The following MOBP variants were observed in gnomAD, a reference collection of about 807,000 sequenced individuals.
MOBP encodes myelin associated oligodendrocyte basic protein, also known as myelin-associated oligodendrocyte basic protein.
MOBP carries 5 observed loss-of-function variants against 15.0 expected under a neutral mutation model. The ratio of observed to expected loss-of-function variants is 0.33; its 90% CI spans 0.17 to 0.70. The LOEUF is 0.70. Ranked by LOEUF, MOBP falls within the 30% of genes least tolerant of loss-of-function variation. MOBP has a pLI of 0.67. For synonymous variants in MOBP, 88 were observed against 99.0 expected (o/e 0.89, Z 0.66); for missense variants, 188 against 257.8 (o/e 0.73, Z 1.85).
intron 2 of MOBP, among the ~76,000 whole-genome samples, chr3:39,483,543 G>A (rs933807984): frequency 6.6e-6 from 1 of 152,190 alleles, no homozygotes; most frequent in African/African-American, 2.4e-5. Context: ...TAGCCCATCA[G>A]ATAATCTGAG....
intron 2 of MOBP, among the ~76,000 whole-genome samples, chr3:39,495,675 C>A (rs909849862): frequency 6.7e-6 from 1 of 150,166 alleles, no homozygotes. Flanking sequence ...ATTGCTTGAG[C>A]CCAGGTGGTT....
chr3:39,491,497 C>G (rs1275403603), intron 2 of MOBP, among the ~76,000 whole-genome samples: 1 of 152,030 alleles, frequency 6.6e-6, no homozygotes, highest in Non-Finnish European at 1.5e-5. Context: ...ACTTATGCTT[C>G]TCAATGGGTA....
intron 2 of MOBP, among the ~76,000 whole-genome samples, chr3:39,495,397 G>A (rs2042863631): frequency 6.6e-6 from 1 of 151,810 alleles, no homozygotes; most frequent in Non-Finnish European, 1.5e-5. Context: ...TTGCACAATG[G>A]AAAAGGTTAT....
chr3:39,469,181 T>C (rs1338786180), intron 1 of MOBP, among the ~76,000 whole-genome samples: 1 of 67,998 alleles, frequency 1.5e-5, no homozygotes, highest in Non-Finnish European at 2.7e-5. Context: ...TATATACATG[T>C]GTGTGTGTGT....
chr3:39,484,765 G>C (rs1299455457), intron 2 of MOBP, among the ~76,000 whole-genome samples: 1 of 152,212 alleles, frequency 6.6e-6, no homozygotes, highest in African/African-American at 2.4e-5. Context: ...TTATCTGTGT[G>C]CTAAAGATAA....
intron 2 of MOBP, among the ~76,000 whole-genome samples, chr3:39,484,316 G>A (rs1449511149): frequency 6.6e-6 from 1 of 152,228 alleles, no homozygotes; most frequent in Admixed American, 6.5e-5. Flanking sequence ...GTGAAGGACA[G>A]AGACCAAACC....
rs548666293 is a variant in MOBP at position 39,513,119 on chromosome 3, A to G, written c.*-264A>G. 7.9e-5 allele frequency among the ~76,000 whole-genome samples: 12 copies of G among 152,318 alleles called. No individual in the cohort carries two copies. In the East Asian group the frequency reaches 1.7e-3, roughly 22 times the overall value. ...TTTCTATGTTTCAAAATTATCTACA[A>G]TGATTAACCAGAAAAGCAATAATTA... On this transcript the variant is annotated intron_variant, in intron 4 of 4. Transcript: ENST00000311042.
chr3:39,519,850 T>TCC (rs2125674364), downstream of MOBP, among the ~76,000 whole-genome samples: 1 of 152,056 alleles, frequency 6.6e-6, no homozygotes, highest in Admixed American at 6.5e-5. Flanking sequence ...TACTGCAGCC[T>TCC]CCCCATGCCC....
downstream of MOBP, among the ~76,000 whole-genome samples, chr3:39,520,697 G>A (rs2043256475): frequency 6.6e-6 from 1 of 152,190 alleles, no homozygotes; most frequent in African/African-American, 2.4e-5. Context: ...TTTGGGAAAG[G>A]TGGGTTTCCT....
intron 1 of MOBP, among the ~76,000 whole-genome samples, chr3:39,474,695 A>G (rs1450733087): frequency 6.6e-6 from 1 of 152,188 alleles, no homozygotes; most frequent in Non-Finnish European, 1.5e-5. Context: ...TATGTATAGT[A>G]TGTCTGTTTA....
At chr3:39,500,115 A>C in intron 2 of MOBP, 1 of 454,860 alleles carries the variant, frequency 2.2e-6, no homozygotes, top group Non-Finnish European at 4.4e-6. Flanking sequence ...CCACTTCCTC[A>C]TCTCAGTGAC....
intron 2 of MOBP, among the ~76,000 whole-genome samples, chr3:39,489,400 C>T (rs1475607414): frequency 1.3e-5 from 2 of 152,172 alleles, no homozygotes; most frequent in Non-Finnish European, 2.9e-5. Flanking sequence ...GTCTTACTCA[C>T]CACTGGCACT....
At chr3:39,522,105 A>G (rs1360929346) in intron 3 of MOBP, among the ~76,000 whole-genome samples, 1 of 152,228 alleles carries the variant, frequency 6.6e-6, no homozygotes, top group Non-Finnish European at 1.5e-5. Flanking sequence ...GTTCAGAGAA[A>G]GCAACCTGGA....
At chr3:39,494,790 C>CA (rs1184957974) in intron 2 of MOBP, among the ~76,000 whole-genome samples, 2 of 97,170 alleles carry the variant, frequency 2.1e-5, no homozygotes, top group Admixed American at 1.2e-4. Flanking sequence ...AAGCCCCCCC[C>CA]CGCCCCCCGA....
chr3:39,494,445 A>T (rs1418169970), intron 2 of MOBP, among the ~76,000 whole-genome samples: 1 of 151,776 alleles, frequency 6.6e-6, no homozygotes, highest in African/African-American at 2.4e-5. Context: ...CCTGGAGAAG[A>T]TTATATTTTG....
chr3:39,502,921 A>G lies in MOBP; in HGVS notation c.*41A>G, dbSNP rs1184701160. Reference sequence around the variant, plus strand: ...TTTGTTCCCCAGCCCTAAGGTTAGTAGTTGCTTCCTGTGTTTACTAACACC... The same window carrying G: ...TTTGTTCCCCAGCCCTAAGGTTAGTGGTTGCTTCCTGTGTTTACTAACACC... On this transcript the variant is annotated 3_prime_UTR_variant, in exon 4 of 4. Coordinates refer to ENST00000684792, the MANE Select transcript of MOBP (RefSeq NM_001393704.1). The surrounding 1 kb of genome is among the most constrained non-coding windows in gnomAD (Gnocchi z 6.3). The G allele has an allele frequency of 2.4e-5, 22 of 921,940 alleles. No individual in the cohort carries two copies. The highest frequency in any genetic ancestry group is 3.2e-5 in the Non-Finnish European group (20 of 627,094). The allele number at this position is 921,940 out of a possible 1,614,324, so 57.1% of individuals were successfully genotyped here. A position where few individuals can be genotyped will look rare whatever the true frequency, so the allele number is the denominator to read the frequency against.
At chr3:39,468,621 T>C (rs1298733659) in intron 1 of MOBP, among the ~76,000 whole-genome samples, 3 of 152,066 alleles carry the variant, frequency 2.0e-5, no homozygotes, top group African/African-American at 7.2e-5. Flanking sequence ...TTTACCATAT[T>C]TCCTTTATCA....
rs1291976716 is a variant in MOBP at position 39,469,055 on chromosome 3, TATATAC to T, written c.-89+1321_-89+1326del. ...ATATACATATATACATATGTGTGTG[TATATAC>T]ATATATACATATGTGTGTGTGTATA... On this transcript the variant is annotated intron_variant, in intron 1 of 3. Coordinates refer to ENST00000684792, the MANE Select transcript of MOBP (RefSeq NM_001393704.1). Among the ~76,000 whole-genome samples, 298 of 50,688 alleles carry T rather than the reference TATATAC, an allele frequency of 5.9e-3. 17 individuals carry two copies. Among genetic ancestry groups the T allele is most frequent in the Non-Finnish European group, 7.9e-3 (213 of 26,848 alleles). The allele number at this position is 50,688 out of a possible 152,430, so 33.3% of individuals were successfully genotyped here. A position where few individuals can be genotyped will look rare whatever the true frequency, so the allele number is the denominator to read the frequency against.
At chr3:39,503,207 G>A (rs1157779478), downstream of MOBP, among the ~76,000 whole-genome samples, 2 of 152,144 alleles carry the variant, frequency 1.3e-5, no homozygotes, top group African/African-American at 4.8e-5. Flanking sequence ...GGGAGATAAC[G>A]AATGGTGACT....
Sources: gnomAD v4.1 joint callset for allele counts (sites outside exome capture counted in the v4.1 genomes callset) on GRCh38, gnomAD v4.1.1 for gene constraint, Gnocchi (gnomAD v3.1) non-coding constraint, MANE v1.5 for transcripts, NCBI Gene and HGNC (gene_info 2026-07-23, HGNC 2026-07-21) for gene names.